The following ZNF385D variants were observed in gnomAD, a reference collection of about 807,000 sequenced individuals.
ZNF385D encodes the protein zinc finger protein 385D.
A neutral mutation model predicts 35.8 loss-of-function variants in ZNF385D; 15 were observed. That is an observed-to-expected ratio of 0.42 (90% CI 0.28 to 0.64). The LOEUF is 0.64. ZNF385D is among the 30% of genes least tolerant of loss of function. The pLI is 0.23. For synonymous variants in ZNF385D, 212 were observed against 186.8 expected (o/e 1.13, Z -1.10); for missense variants, 474 against 494.6 (o/e 0.96, Z 0.39).
intron 2 of ZNF385D, among the ~76,000 whole-genome samples, chr3:22,254,456 A>T (rs889386495): frequency 1.3e-5 from 2 of 151,782 alleles, no homozygotes; most frequent in Non-Finnish European, 2.9e-5. Flanking sequence ...TGACCTAGCA[A>T]GTATCTTCCA....
At chr3:21,915,167 G>A (rs574318556) in intron 3 of ZNF385D, among the ~76,000 whole-genome samples, 30 of 151,870 alleles carry the variant, frequency 2.0e-4, no homozygotes, top group Admixed American at 9.2e-4. Flanking sequence ...CTCTAGGTGC[G>A]TTACTTGACG....
chr3:21,996,980 G>GT (rs1367946932), intron 3 of ZNF385D, among the ~76,000 whole-genome samples: 5 of 152,044 alleles, frequency 3.3e-5, no homozygotes, highest in African/African-American at 1.2e-4. Context: ...ATCTATTTTA[G>GT]TTTTTTGAGA....
intron 2 of ZNF385D, among the ~76,000 whole-genome samples, chr3:22,225,552 G>A (rs1440620137): frequency 6.6e-6 from 1 of 152,156 alleles, no homozygotes; most frequent in Non-Finnish European, 1.5e-5. Context: ...TAACACTGAA[G>A]TATGTATTCT....
At chr3:21,598,981 G>A (rs766523176) in intron 2 of ZNF385D, among the ~76,000 whole-genome samples, 4 of 152,288 alleles carry the variant, frequency 2.6e-5, no homozygotes, top group Middle Eastern at 3.4e-3. Flanking sequence ...AACTGCTTCC[G>A]ATGTTGCAAT....
In ZNF385D at chr3:21,421,127, T is replaced by C. The variant is rs186569350; in HGVS notation, c.*87A>G. On this transcript the variant is annotated 3_prime_UTR_variant, in exon 8 of 8. Coordinates refer to ENST00000281523, the MANE Select transcript of ZNF385D (RefSeq NM_024697.3). ...GGCTCTTCAGATATACTTTAAACTA[T>C]AAATAAACACTGCATAGTTCTCTTT... is the stretch of plus-strand genomic sequence containing the variant. 5 of 918,194 alleles carry C rather than the reference T, an allele frequency of 5.4e-6. No individual in the cohort carries two copies. In the African/African-American group the frequency reaches 7.1e-5, roughly 13 times the overall value. 56.9% of individuals were successfully genotyped at this position (918,194 alleles called of 1,614,324 possible).
intron 2 of ZNF385D, among the ~76,000 whole-genome samples, chr3:21,644,220 A>G (rs552623787): frequency 6.6e-6 from 1 of 152,264 alleles, no homozygotes; most frequent in Admixed American, 6.5e-5. Flanking sequence ...AGACCAAAAC[A>G]TTTCTGATAT....
At chr3:22,316,296 C>G in intron 2 of ZNF385D, among the ~76,000 whole-genome samples, 1 of 152,154 alleles carries the variant, frequency 6.6e-6, no homozygotes, top group East Asian at 1.9e-4. Flanking sequence ...AACTCCTGTC[C>G]TAAATCTTGG....
At chr3:22,344,641 C>T (rs1383046631) in intron 2 of ZNF385D, among the ~76,000 whole-genome samples, 4 of 152,040 alleles carry the variant, frequency 2.6e-5, no homozygotes, top group Non-Finnish European at 5.9e-5. Context: ...AGGCTTGTCT[C>T]AAACTCCTGG....
At chr3:21,897,838 C>A (rs1385225241) in intron 3 of ZNF385D, among the ~76,000 whole-genome samples, 2 of 152,122 alleles carry the variant, frequency 1.3e-5, no homozygotes, top group Non-Finnish European at 2.9e-5. Context: ...AAGACTGAGA[C>A]TGGAGTCTTA....
chr3:21,565,803 G>GTCT (rs1220755416), intron 2 of ZNF385D, among the ~76,000 whole-genome samples: 2 of 152,120 alleles, frequency 1.3e-5, no homozygotes, highest in Non-Finnish European at 2.9e-5. Context: ...TTATAAGTAA[G>GTCT]TCTTCATAAT....
intron 2 of ZNF385D, among the ~76,000 whole-genome samples, chr3:22,279,661 ACAC>A (rs200878016): frequency 0.11 from 16,254 of 144,592 alleles, 2,494 homozygotes; most frequent in African/African-American, 0.31. Context: ...ATATGCACAC[ACAC>A]CACAATTTCT....
At chr3:22,038,952 G>A (rs892598422) in intron 3 of ZNF385D, among the ~76,000 whole-genome samples, 5 of 150,236 alleles carry the variant, frequency 3.3e-5, no homozygotes, top group Non-Finnish European at 7.4e-5. Flanking sequence ...GATCAGGCAT[G>A]ACTCAATGAA....
intron 3 of ZNF385D, among the ~76,000 whole-genome samples, chr3:21,875,831 CAA>C (rs34168943): frequency 0.52 from 78,904 of 151,658 alleles, 20,719 homozygotes; most frequent in Non-Finnish European, 0.54. Context: ...AAGCACTACT[CAA>C]AGAGTAGATC....
intron 3 of ZNF385D, among the ~76,000 whole-genome samples, chr3:22,162,823 C>T (rs1287187337): frequency 6.6e-6 from 1 of 152,098 alleles, no homozygotes; most frequent in Non-Finnish European, 1.5e-5. Context: ...CAGAGATGAA[C>T]CTTCAGAGAG....
chr3:21,794,032 G>C (rs1156582727), intron 3 of ZNF385D, among the ~76,000 whole-genome samples: 1 of 152,138 alleles, frequency 6.6e-6, no homozygotes, highest in Non-Finnish European at 1.5e-5. Context: ...ACATAAGATG[G>C]AAGAAGATAT....
intron 3 of ZNF385D, among the ~76,000 whole-genome samples, chr3:21,909,277 C>T (rs967955480): frequency 6.6e-6 from 1 of 152,084 alleles, no homozygotes; most frequent in East Asian, 1.9e-4. Context: ...GCACAAAATA[C>T]AAGCTTCCTC....
At chr3:21,434,474 C>CA (rs1701454645) in intron 5 of ZNF385D, among the ~76,000 whole-genome samples, 1 of 152,130 alleles carries the variant, frequency 6.6e-6, no homozygotes, top group Non-Finnish European at 1.5e-5. Context: ...ATACCACACC[C>CA]TAGGGAGAAG....
chr3:22,141,401 A>G (rs1704496117), intron 3 of ZNF385D, among the ~76,000 whole-genome samples: 1 of 152,228 alleles, frequency 6.6e-6, no homozygotes, highest in Non-Finnish European at 1.5e-5. Context: ...CTTTGAAAGA[A>G]TATGAATTGT....
chr3:21,608,311 A>G (rs757304873), intron 2 of ZNF385D, among the ~76,000 whole-genome samples: 5 of 152,040 alleles, frequency 3.3e-5, no homozygotes, highest in Non-Finnish European at 7.4e-5. Context: ...GCCCAGCCCT[A>G]AATTTTTTTC....
Sources: allele counts gnomAD v4.1 joint callset (sites outside exome capture counted in the v4.1 genomes callset), GRCh38; gene constraint gnomAD v4.1.1; transcripts MANE v1.5; gene names NCBI Gene and HGNC (gene_info 2026-07-23, HGNC 2026-07-21).